ATG7: variants seen among roughly 807,000 people sequenced by gnomAD.
ATG7 encodes ubiquitin-like modifier-activating enzyme ATG7.
Under a neutral mutation model 82.4 loss-of-function variants are expected in ATG7, and 70 were observed. That is an observed-to-expected ratio of 0.85 (90% CI 0.70 to 1.04). The LOEUF (loss-of-function observed/expected upper bound fraction) is 1.04. Among genes scored for constraint, ATG7 ranks in the 50% least tolerant of loss-of-function variants. The pLI is 0.00. For synonymous variants in ATG7, 287 were observed against 313.0 expected, an observed-to-expected ratio of 0.92 and a Z score of 0.88; for missense variants, 792 against 864.3, an observed-to-expected ratio of 0.92 and a Z score of 1.05.
intron 20 of ATG7, among the ~76,000 whole-genome samples, chr3:11,481,044 C>G (rs1449125488): frequency 6.6e-6 from 1 of 152,192 alleles, no homozygotes; most frequent in Non-Finnish European, 1.5e-5. Context: ...AAATGTACTC[C>G]CTTTAATGTC....
At chr3:11,281,728 C>T (rs1943073440) in intron 2 of ATG7, among the ~76,000 whole-genome samples, 3 of 148,092 alleles carry the variant, frequency 2.0e-5, no homozygotes, top group African/African-American at 2.5e-5. Flanking sequence ...GAGCCGAGAT[C>T]GTGCCATTGC....
downstream of ATG7, chr3:11,558,721 G>C (rs780751208): frequency 6.2e-7 from 1 of 1,614,162 alleles, no homozygotes; most frequent in African/African-American, 1.3e-5. Context: ...GGTCGTCCAC[G>C]GAGCCCGTGA....
chr3:11,351,810 C>G (rs1335970187), intron 14 of ATG7, among the ~76,000 whole-genome samples: 2 of 151,790 alleles, frequency 1.3e-5, no homozygotes, highest in Non-Finnish European at 2.9e-5. Flanking sequence ...GGTTAGCCAG[C>G]CTTAAGGGGC....
At chr3:11,459,185 A>AC (rs1417696852) in intron 20 of ATG7, among the ~76,000 whole-genome samples, 40 of 151,612 alleles carry the variant, frequency 2.6e-4, no homozygotes, top group Admixed American at 6.6e-4. Flanking sequence ...AAAAAAAAAA[A>AC]AAAACAGCAA....
chr3:11,524,988 A>G (rs1330238172), intron 20 of ATG7, among the ~76,000 whole-genome samples: 1 of 152,148 alleles, frequency 6.6e-6, no homozygotes. Context: ...AGAATTTGCT[A>G]TGAAATTTAA....
chr3:11,466,060 C>A (rs185708001), intron 20 of ATG7, among the ~76,000 whole-genome samples: 40 of 152,248 alleles, frequency 2.6e-4, no homozygotes, highest in African/African-American at 9.4e-4. Context: ...TTTCTGGCTC[C>A]GTTTTAGAAC....
chr3:11,353,275 C>G (rs923105700), intron 14 of ATG7, among the ~76,000 whole-genome samples: 3 of 151,820 alleles, frequency 2.0e-5, no homozygotes, highest in Non-Finnish European at 4.4e-5. Flanking sequence ...AACCCTGTCT[C>G]TACTACTAAA....
intron 20 of ATG7, among the ~76,000 whole-genome samples, chr3:11,504,839 G>A (rs2091596879): frequency 6.6e-6 from 1 of 152,150 alleles, no homozygotes; most frequent in Non-Finnish European, 1.5e-5. Context: ...TGTCAACACT[G>A]GATGTAGATC....
intron 4 of ATG7, 32 bp from the exon 5 acceptor site, chr3:11,299,330 G>T (rs752696165): frequency 1.3e-6 from 2 of 1,590,114 alleles, no homozygotes; most frequent in South Asian, 1.1e-5. Context: ...TTTCTGACTT[G>T]TCATTGAAAA....
Position 11,360,735 on chromosome 3 carries a change from G to A in ATG7, c.1634G>A (p.Gly545Asp), listed in dbSNP as rs1456536289. 1 of 1,614,156 alleles carries A rather than the reference G, an allele frequency of 6.2e-7. No individual in the cohort carries two copies. Among genetic ancestry groups the A allele is most frequent in the Admixed American group, 1.7e-5 (1 of 60,022 alleles). ...LGSSLFANIP[G>D]YKLGCYFCND... ...TCATCGCTTTTTGCCAACATCCCTGGTTACAAGCTTGGCTGCTACTTCTGC... is the reference window on the plus strand; with the variant it reads ...TCATCGCTTTTTGCCAACATCCCTGATTACAAGCTTGGCTGCTACTTCTGC... Residue 545 changes from glycine (G) to aspartate (D), a missense_variant, in exon 16 of 21, where the codon GGT becomes GAT. Transcript: ENST00000693202.
In ATG7 at chr3:11,395,969, A is replaced by AGGG. The variant is rs1559533680; in HGVS notation, c.1956+15922_1956+15924dup. On this transcript the variant is annotated intron_variant, in intron 19 of 20. Coordinates refer to ENST00000693202, the MANE Select transcript of ATG7 (RefSeq NM_001349232.2). ...AAAAAAAAAAAAAAAAAAAAAAGGT[A>AGGG]GGGGGGGAAGAGTAAAAGTGAAGGT... Among the ~76,000 whole-genome samples the AGGG allele has an allele frequency of 5.7e-4, 51 of 89,334 alleles. 12 individuals are homozygous for AGGG. Among genetic ancestry groups the AGGG allele is most frequent in the African/African-American group, 1.5e-3 (33 of 22,172 alleles). The allele number at this position is 89,334 out of a possible 152,430, so 58.6% of individuals were successfully genotyped here.
At chr3:11,375,199 C>T (rs1354614064) in intron 18 of ATG7, among the ~76,000 whole-genome samples, 3 of 152,116 alleles carry the variant, frequency 2.0e-5, no homozygotes, top group African/African-American at 4.8e-5. Context: ...CAGAGCAAGA[C>T]ACTCTATCAA....
chr3:11,404,444 A>AT (rs1353995561), intron 19 of ATG7, among the ~76,000 whole-genome samples: 2 of 151,662 alleles, frequency 1.3e-5, no homozygotes, highest in Non-Finnish European at 1.5e-5. Flanking sequence ...TCCAGCTCAA[A>AT]TTTTTTTAAC....
chr3:11,515,492 C>T (rs947699850), intron 20 of ATG7, among the ~76,000 whole-genome samples: 3 of 151,912 alleles, frequency 2.0e-5, no homozygotes, highest in Non-Finnish European at 4.4e-5. Context: ...TTAGTAGAGA[C>T]GGGGTTTTGC....
intron 3 of ATG7, among the ~76,000 whole-genome samples, chr3:11,294,378 A>C (rs2344131): frequency 0.021 from 2,722 of 127,832 alleles, 89 homozygotes; most frequent in East Asian, 0.092. Context: ...ACTCCACTAC[A>C]CCCGGCTAAT....
At chr3:11,396,444 A>G (rs997548488) in intron 19 of ATG7, among the ~76,000 whole-genome samples, 2 of 152,208 alleles carry the variant, frequency 1.3e-5, no homozygotes, top group Admixed American at 6.5e-5. Context: ...CCCAAAAGAA[A>G]AAAAAATGTG....
intron 20 of ATG7, among the ~76,000 whole-genome samples, chr3:11,485,211 T>G (rs916190303): frequency 3.9e-5 from 6 of 152,208 alleles, no homozygotes; most frequent in Non-Finnish European, 7.3e-5. Flanking sequence ...ACCTGTTGTT[T>G]CCTGACTTTT....
At chr3:11,558,661 C>G, downstream of ATG7, 1 of 1,613,086 alleles carries the variant, frequency 6.2e-7, no homozygotes, top group Non-Finnish European at 8.5e-7. Flanking sequence ...ATGCTCCGTC[C>G]TTGGCCGCTT....
At chr3:11,289,286 C>G (rs545950401) in intron 3 of ATG7, among the ~76,000 whole-genome samples, 5 of 152,190 alleles carry the variant, frequency 3.3e-5, no homozygotes, top group Non-Finnish European at 7.3e-5. Flanking sequence ...CTGTCTATGA[C>G]TCACTTCCCC....
Sources: allele counts gnomAD v4.1 joint callset (sites outside exome capture counted in the v4.1 genomes callset), GRCh38; gene constraint gnomAD v4.1.1; transcripts MANE v1.5; gene names NCBI Gene and HGNC (gene_info 2026-07-23, HGNC 2026-07-21).